The following CNTN4 variants were observed in gnomAD, a reference collection of about 807,000 sequenced individuals.
CNTN4 encodes the protein contactin 4, also known as contactin-4.
A neutral mutation model predicts 122.5 loss-of-function variants in CNTN4; 77 were observed. The ratio of observed to expected loss-of-function variants is 0.63; its 90% CI spans 0.52 to 0.76. The LOEUF (loss-of-function observed/expected upper bound fraction) is 0.76. Among genes scored for constraint, CNTN4 ranks in the 30% least tolerant of loss-of-function variants. The pLI is 0.00. For synonymous variants in CNTN4, 512 were observed against 447.0 expected, an observed-to-expected ratio of 1.15 and a Z score of -1.83; for missense variants, 1,256 against 1,259.1, an observed-to-expected ratio of 1.00 and a Z score of 0.04.
chr3:2,352,350 C>T (rs2044662766), intron 3 of CNTN4, among the ~76,000 whole-genome samples: 1 of 152,194 alleles, frequency 6.6e-6, no homozygotes. Context: ...TCTGGGCTGG[C>T]CGAGGCCGGA....
At chr3:2,958,175 G>A (rs344413) in intron 13 of CNTN4, among the ~76,000 whole-genome samples, 65,736 of 152,000 alleles carry the variant, frequency 0.43, 15,917 homozygotes, top group African/African-American at 0.66. Flanking sequence ...CTTCCCAAAC[G>A]TGCTGTAAGA....
chr3:2,580,019 T>C (rs2079863686), intron 4 of CNTN4, among the ~76,000 whole-genome samples: 1 of 144,206 alleles, frequency 6.9e-6, no homozygotes, highest in African/African-American at 2.6e-5. Flanking sequence ...AACAAATACC[T>C]AAATTGGTTA....
intron 10 of CNTN4, among the ~76,000 whole-genome samples, chr3:2,888,173 C>T (rs925411719): frequency 2.0e-5 from 3 of 152,114 alleles, no homozygotes; most frequent in East Asian, 1.9e-4. Flanking sequence ...AAGATATGAC[C>T]GAAGTTCTAA....
At chr3:2,233,752 C>T (rs560138214) in intron 2 of CNTN4, among the ~76,000 whole-genome samples, 2 of 152,108 alleles carry the variant, frequency 1.3e-5, no homozygotes, top group East Asian at 3.9e-4. Flanking sequence ...TAGCTTACTC[C>T]TCTAATTTTG....
intron 3 of CNTN4, among the ~76,000 whole-genome samples, chr3:2,515,045 A>G (rs933780789): frequency 2.6e-5 from 4 of 151,806 alleles, no homozygotes; most frequent in African/African-American, 9.7e-5. Context: ...ATTGTCCTCA[A>G]GTCAAGTGTG....
At chr3:2,594,911 A>G (rs1576146990) in intron 4 of CNTN4, among the ~76,000 whole-genome samples, 1 of 152,352 alleles carries the variant, frequency 6.6e-6, no homozygotes, top group South Asian at 2.1e-4. Flanking sequence ...ATCCCAATCT[A>G]TTAGTGGAAA....
chr3:2,300,133 C>G (rs2042451341), intron 2 of CNTN4, among the ~76,000 whole-genome samples: 1 of 152,036 alleles, frequency 6.6e-6, no homozygotes, highest in Admixed American at 6.6e-5. Flanking sequence ...TATTTATAGC[C>G]CCTGCAAACA....
intron 3 of CNTN4, among the ~76,000 whole-genome samples, chr3:2,560,328 T>C (rs9858048): frequency 2.7e-4 from 41 of 151,578 alleles, no homozygotes; most frequent in Admixed American, 2.2e-3. Context: ...TTTTAGTAGA[T>C]ATGGGGTTTC....
At chr3:2,238,735 G>GTTTTTTTTTTTTTTTTTTTTTTTT (rs66733341) in intron 2 of CNTN4, 9 of 78,866 alleles carry the variant, frequency 1.1e-4, no homozygotes, top group Non-Finnish European at 1.5e-4. Flanking sequence ...TTGGCTCTGT[G>GTTTTTTTTTTTTTTTTTTTTTTTT]TTTTTTTTTT....
At chr3:2,775,103 G>C (rs2091263493) in intron 6 of CNTN4, among the ~76,000 whole-genome samples, 2 of 152,172 alleles carry the variant, frequency 1.3e-5, no homozygotes, top group South Asian at 4.1e-4. Context: ...GTTTGCTTTT[G>C]CATCTTAAAG....
intron 8 of CNTN4, among the ~76,000 whole-genome samples, chr3:2,870,301 T>C (rs903317788): frequency 6.6e-6 from 1 of 152,212 alleles, no homozygotes; most frequent in African/African-American, 2.4e-5. Flanking sequence ...AGACTAAAGA[T>C]CTCATTCTTC....
At chr3:2,456,846 T>G (rs1415896127) in intron 3 of CNTN4, among the ~76,000 whole-genome samples, 2 of 152,190 alleles carry the variant, frequency 1.3e-5, no homozygotes, top group Non-Finnish European at 2.9e-5. Flanking sequence ...CACAAGTATT[T>G]GCTTGAGGAA....
chr3:2,916,015 G>C (rs191171285), intron 12 of CNTN4, among the ~76,000 whole-genome samples: 1 of 152,148 alleles, frequency 6.6e-6, no homozygotes, highest in South Asian at 2.1e-4. Flanking sequence ...GTTACCAGGG[G>C]CTGGGAGAGA....
intron 2 of CNTN4, among the ~76,000 whole-genome samples, chr3:2,290,333 G>A (rs2042085963): frequency 6.6e-6 from 1 of 152,144 alleles, no homozygotes; most frequent in African/African-American, 2.4e-5. Flanking sequence ...GATCAGGCTT[G>A]TCTTGGTATG....
chr3:2,631,181 G>C (rs1479568816), intron 4 of CNTN4, among the ~76,000 whole-genome samples: 1 of 152,098 alleles, frequency 6.6e-6, no homozygotes, highest in East Asian at 1.9e-4. Flanking sequence ...CACTAGGTCA[G>C]GAAATTAGCT....
chr3:2,560,519 T>C (rs924252987), intron 3 of CNTN4, among the ~76,000 whole-genome samples: 12 of 152,204 alleles, frequency 7.9e-5, no homozygotes, highest in African/African-American at 2.9e-4. Flanking sequence ...CCTTTTGCAT[T>C]ATGGTGGTAA....
At chr3:2,561,802 T>C (rs530979122) in intron 3 of CNTN4, among the ~76,000 whole-genome samples, 3 of 152,152 alleles carry the variant, frequency 2.0e-5, no homozygotes, top group Non-Finnish European at 4.4e-5. Flanking sequence ...CTCATTGCCA[T>C]AGGGAAGCAA....
chr3:2,192,923 G>C (rs532603818), intron 2 of CNTN4, among the ~76,000 whole-genome samples: 166 of 152,264 alleles, frequency 1.1e-3, no homozygotes, highest in Non-Finnish European at 1.9e-3. Flanking sequence ...TTTGCTGTGT[G>C]ATCCAGGCAT....
In CNTN4 at chr3:2,432,754, C is replaced by G. The variant is rs1169001053; in HGVS notation, c.-89+93521C>G. Reference sequence around the variant, plus strand: ...CCAAGATTGCTTTCATATTTTAGCTCTTGTGAATAATGCTGCTGCAGTGAA... The same window carrying G: ...CCAAGATTGCTTTCATATTTTAGCTGTTGTGAATAATGCTGCTGCAGTGAA... On this transcript the variant is annotated intron_variant, in intron 3 of 24. Coordinates refer to ENST00000418658, the MANE Select transcript of CNTN4 (RefSeq NM_175607.3). Among the ~76,000 whole-genome samples the G allele has an allele frequency of 5.3e-5, 8 of 150,016 alleles. No homozygotes were observed. The East Asian group carries it at 1.2e-3, about 22-fold the overall frequency.
Sources: allele counts gnomAD v4.1 joint callset (sites outside exome capture counted in the v4.1 genomes callset), GRCh38; gene constraint gnomAD v4.1.1; transcripts MANE v1.5; gene names NCBI Gene and HGNC (gene_info 2026-07-23, HGNC 2026-07-21).